The following LGALS12 variants were observed in gnomAD, a reference collection of about 807,000 sequenced individuals.
LGALS12 encodes the protein galectin-12.
LGALS12 carries 36 observed loss-of-function variants against 36.8 expected under a neutral mutation model. That is an observed-to-expected ratio of 0.98 (90% CI 0.75 to 1.29). The LOEUF is 1.29. Ranked by LOEUF, LGALS12 falls within the 50% of genes most tolerant of loss-of-function variation. The pLI is 0.00. For missense variants in LGALS12, 366 were observed against 394.3 expected, an observed-to-expected ratio of 0.93 and a Z score of 0.61; for synonymous variants, 145 against 155.9, an observed-to-expected ratio of 0.93 and a Z score of 0.52.
rs2017049449 is a variant in LGALS12, at chr11:63,515,456, G to A, written c.648-107G>A. Reference sequence around the variant, plus strand: ...GTGCTTGTTTCTGGAGGCTGAAGCAGCTCAACCTTCCATCCACTCCCTGAC... The same window carrying A: ...GTGCTTGTTTCTGGAGGCTGAAGCAACTCAACCTTCCATCCACTCCCTGAC... On this transcript the variant is annotated intron_variant, in intron 7 of 8. Transcript: ENST00000394618. 6 of 1,331,246 alleles carry A rather than the reference G, an allele frequency of 4.5e-6. No individual in the cohort carries two copies. In the South Asian group the frequency reaches 6.7e-5, roughly 15 times the overall value. The allele number at this position is 1,331,246 out of a possible 1,614,324, so 82.5% of individuals were successfully genotyped here. A position where few individuals can be genotyped will look rare whatever the true frequency, so the allele number is the denominator to read the frequency against.
intron 8 of LGALS12, among the ~76,000 whole-genome samples, chr11:63,516,013 A>C (rs2017071583): frequency 6.6e-6 from 1 of 152,180 alleles, no homozygotes; most frequent in Non-Finnish European, 1.5e-5. Context: ...AAGCAGCCCC[A>C]GTTACAGGTG....
At chr11:63,508,379 G>C in intron 1 of LGALS12, 174 bp from the exon 2 acceptor site, 6 of 1,441,134 alleles carry the variant, frequency 4.2e-6, no homozygotes, top group Non-Finnish European at 5.4e-6. Context: ...TCCAGGAAAG[G>C]GGATTAGGTG....
Position 63,506,221 on chromosome 11 carries a change from CGCCCAGCCAGAGCTCT to C in LGALS12, c.-235_-220del. On this transcript the variant is annotated 5_prime_UTR_variant, in exon 1 of 9. It removes the in-frame stop codon of an upstream open reading frame in the 5' UTR. Coordinates refer to ENST00000394618, the MANE Select transcript of LGALS12 (RefSeq NM_033101.4). ...GACACTGAGTTCTGCTGACAGCCCC[CGCCCAGCCAGAGCTCT>C]GCTGTATACCACCGGGAGTGGGGCT... 1 of 666,620 alleles carries C rather than the reference CGCCCAGCCAGAGCTCT, an allele frequency of 1.5e-6. No homozygotes were observed. The highest frequency in any genetic ancestry group is 1.9e-5 in the South Asian group (1 of 51,376). The allele number at this position is 666,620 out of a possible 1,614,324, so 41.3% of individuals were successfully genotyped here.
At chr11:63,507,668 A>AG (rs2016780052) in intron 1 of LGALS12, among the ~76,000 whole-genome samples, 1 of 151,768 alleles carries the variant, frequency 6.6e-6, no homozygotes, top group Non-Finnish European at 1.5e-5. Flanking sequence ...GGAACAGCCC[A>AG]GAAAAGGCAG....
At chr11:63,509,046 CT>C in intron 3 of LGALS12, 55 bp downstream of exon 3, 1 of 1,383,860 alleles carries the variant, frequency 7.2e-7, no homozygotes, top group Non-Finnish European at 1.0e-6. Flanking sequence ...TGCGCCCTTC[CT>C]TCCCTCAGCC....
Position 63,511,098 on chromosome 11 carries a change from C to A in LGALS12, c.551C>A (p.Pro184His). 2 of 1,613,650 alleles carry A rather than the reference C, an allele frequency of 1.2e-6. No homozygotes were observed. The highest frequency in any genetic ancestry group is 2.2e-5 in the South Asian group (2 of 91,086). The change falls in exon 6 of 9, where the codon CCC becomes CAC. Residue 184 changes from proline to histidine, a missense_variant. By Grantham distance (77) the Pro-to-His change is moderately conservative. Transcript: ENST00000394618. ...PAGHPFLLMS[P>H]RLEVPCSHAL... ...TGACAGCCTTTCCTGCTGATGAGCCCCAGGCTGGTGAGTGAACCTCCCTCC... is the reference window on the plus strand; with the variant it reads ...TGACAGCCTTTCCTGCTGATGAGCCACAGGCTGGTGAGTGAACCTCCCTCC...
At chr11:63,509,041 C>T (rs778692927) in intron 3 of LGALS12, 50 bp downstream of exon 3, 3 of 1,419,884 alleles carry the variant, frequency 2.1e-6, no homozygotes, top group Admixed American at 3.6e-5. Flanking sequence ...GTCCTTGCGC[C>T]CTTCCTTCCC....
At chr11:63,510,863 G>A (rs1311532380) in intron 5 of LGALS12, among the ~76,000 whole-genome samples, 6 of 152,174 alleles carry the variant, frequency 3.9e-5, no homozygotes, top group Admixed American at 2.0e-4. Context: ...GGCCACACAG[G>A]GAGTGGATGA....
At chr11:63,510,909 C>T (rs531930789) in intron 5 of LGALS12, among the ~76,000 whole-genome samples, 170 bp from the exon 6 acceptor site, 129 of 152,330 alleles carry the variant, frequency 8.5e-4, no homozygotes, top group Non-Finnish European at 1.5e-3. Context: ...ATTATTCCAG[C>T]GCTGGTGAAC....
intron 1 of LGALS12, among the ~76,000 whole-genome samples, chr11:63,507,630 G>GAA (rs3038563): frequency 0.63 from 95,408 of 151,326 alleles, 30,360 homozygotes; most frequent in African/African-American, 0.66. Flanking sequence ...ATGATGCTTG[G>GAA]AAAGAGTCAG....
At position 63,515,193 on chromosome 11, in the gene LGALS12, A is replaced by G. The variant is rs140752411; in HGVS notation, c.648-370A>G. 1.3e-3 allele frequency among the ~76,000 whole-genome samples: 205 copies of G among 152,316 alleles called. 3 individuals carry two copies. The East Asian group carries it at 0.028, about 21-fold the overall frequency. On this transcript the variant is annotated intron_variant, in intron 7 of 8. Transcript: ENST00000394618. ...CTGTTTGGAAAACATTTAAGATAAT[A>G]CCTGGCACTTAGTTAGCATTCAATA...
chr11:63,511,257 GC>G, intron 6 of LGALS12, 152 bp downstream of exon 6: 1 of 720,740 alleles, frequency 1.4e-6, no homozygotes. Flanking sequence ...GGCAGCTTAT[GC>G]CCCCAGCCGC....
rs370902133 is a variant in LGALS12 at position 63,515,553 on chromosome 11, C to T, written c.648-10C>T. The T allele has an allele frequency of 1.9e-6, 3 of 1,613,620 alleles. No individual in the cohort carries two copies. Among genetic ancestry groups the T allele is most frequent in the Admixed American group, 1.7e-5 (1 of 59,964 alleles). On this transcript the variant is annotated splice_polypyrimidine_tract_variant and intron_variant, in intron 7 of 8. Coordinates refer to ENST00000394618, the MANE Select transcript of LGALS12 (RefSeq NM_033101.4). The stretch of plus-strand genomic sequence containing the variant: ...CGCTGATTCCTTCTCCTTCCTCCTG[C>T]TTCCTGCAGTTTTACTGTGAGCCTG...
At chr11:63,512,974 T>C (rs1383140018) in intron 7 of LGALS12, among the ~76,000 whole-genome samples, 3 of 152,084 alleles carry the variant, frequency 2.0e-5, no homozygotes, top group South Asian at 2.1e-4. Context: ...TTTGTTTTTA[T>C]TTTTAAGTCA....
intron 7 of LGALS12, among the ~76,000 whole-genome samples, chr11:63,513,967 G>C (rs986413216): frequency 6.6e-6 from 1 of 152,192 alleles, no homozygotes; most frequent in Non-Finnish European, 1.5e-5. Context: ...GAGTTCGCAG[G>C]CCAGAGGAAG....
rs780715197 is a variant in LGALS12 at position 63,506,427 on chromosome 11, C to T, written c.-32C>T. On this transcript the variant is annotated 5_prime_UTR_variant, in exon 1 of 9. It adds an upstream start codon to the 5' untranslated region. Transcript: ENST00000394618. ...CCCAGTGGGGGCAGGGCTCCTGGAA[C>T]GAGGATCTACAGTTGGAGTTGCCCC... 7 of 1,614,202 alleles carry T rather than the reference C, an allele frequency of 4.3e-6. No individual in the cohort carries two copies. In the Admixed American group the frequency reaches 6.7e-5, roughly 15 times the overall value.
chr11:63,506,658 CTG>C, intron 1 of LGALS12, 131 bp downstream of exon 1: 4 of 1,170,144 alleles, frequency 3.4e-6, no homozygotes, highest in Non-Finnish European at 3.7e-6. Flanking sequence ...GCCCTGGGTT[CTG>C]GAAGGCCCTC....
Position 63,516,436 on chromosome 11 carries a change from C to A in LGALS12, c.*43C>A. On this transcript the variant is annotated 3_prime_UTR_variant, in exon 9 of 9. Transcript: ENST00000394618. ...TACCGCCAGAAAACAAGAAGGTCAG[C>A]CCACTCCCAGGGCCCCACTCTCCTC... The A allele has an allele frequency of 6.2e-7, 1 of 1,610,236 alleles. No individual in the cohort carries two copies. The highest frequency in any genetic ancestry group is 8.5e-7 in the Non-Finnish European group (1 of 1,178,454).
chr11:63,509,309 G>T (rs141724274), intron 3 of LGALS12, among the ~76,000 whole-genome samples: 162 of 152,344 alleles, frequency 1.1e-3, no homozygotes, highest in African/African-American at 3.7e-3. Context: ...AACCCCATTA[G>T]GTAGGTACCT....
Sources: gnomAD v4.1 joint callset for allele counts (sites outside exome capture counted in the v4.1 genomes callset) on GRCh38, gnomAD v4.1.1 for gene constraint, MANE v1.5 for transcripts, NCBI Gene and HGNC (gene_info 2026-07-23, HGNC 2026-07-21) for gene names.